OR4D9: variants seen among roughly 807,000 people sequenced by gnomAD.
OR4D9 encodes the protein olfactory receptor family 4 subfamily D member 9.
Under a neutral mutation model 0.8 loss-of-function variants are expected in OR4D9, and 2 were observed. The ratio of observed to expected loss-of-function variants is 2.58; its 90% CI spans 1.06 to 8.13. OR4D9 has a LOEUF of 8.13. OR4D9 is among the 30% of genes most tolerant of loss of function. The probability of loss-of-function intolerance (pLI) is 0.04; values close to 1 mark genes in which losing one functional copy is unlikely to be tolerated. For synonymous variants in OR4D9, 146 were observed against 151.2 expected (o/e 0.97, Z 0.25); for missense variants, 399 against 384.7 (o/e 1.04, Z -0.31).
chr11:59,512,927 G>A (rs961627088), intron 1 of OR4D9, among the ~76,000 whole-genome samples: 6 of 152,064 alleles, frequency 3.9e-5, no homozygotes, highest in Admixed American at 1.3e-4. Flanking sequence ...AAAAGTGAGT[G>A]GTCCATTAAA....
rs1384710107 is a variant in OR4D9 at position 59,520,466 on chromosome 11, G to T, written c.*4609G>T. The T allele has an allele frequency of 8.8e-6, 1 of 113,564 alleles. No individual in the cohort carries two copies. The allele number at this position is 113,564 out of a possible 1,614,324, so 7.0% of individuals were successfully genotyped here. A position where few individuals can be genotyped will look rare whatever the true frequency, so the allele number is the denominator to read the frequency against. ...CACACTCTAGGGACTGTTGTGGGGT[G>T]GGGGGAGGGGGGAGGGATAGCATTA... On this transcript the variant is annotated 3_prime_UTR_variant, in exon 3 of 3. Transcript: ENST00000641962.
chr11:59,515,897 T>G lies in OR4D9; in HGVS notation c.*40T>G. On this transcript the variant is annotated 3_prime_UTR_variant, in exon 3 of 3. Transcript: ENST00000641962. ...CCATATTTAAAGATAGACATTAAAT[T>G]TCACTTTCTCAAAATGGGAAAGGAG... 1 of 1,429,506 alleles carries G rather than the reference T, an allele frequency of 7.0e-7. No homozygotes were observed. Among genetic ancestry groups the G allele is most frequent in the Non-Finnish European group, 9.5e-7 (1 of 1,055,282 alleles). The allele number at this position is 1,429,506 out of a possible 1,614,324, so 88.6% of individuals were successfully genotyped here. A position where few individuals can be genotyped will look rare whatever the true frequency, so the allele number is the denominator to read the frequency against.
At chr11:59,514,651 G>A (rs950365037) in intron 1 of OR4D9, 22 bp from the exon 2 acceptor site, 17 of 361,914 alleles carry the variant, frequency 4.7e-5, no homozygotes, top group African/African-American at 2.7e-4. Context: ...ATAGATTCAC[G>A]GACTTGCAAC....
chr11:59,512,611 C>T (rs998894246), intron 1 of OR4D9, among the ~76,000 whole-genome samples: 4 of 151,090 alleles, frequency 2.6e-5, no homozygotes, highest in African/African-American at 9.7e-5. Context: ...TTCACTTGAG[C>T]CCAGGAGTTT....
Position 59,515,372 on chromosome 11 carries a change from G to T in OR4D9, c.460G>T (p.Val154Phe), listed in dbSNP as rs751449503. The change falls in exon 3 of 3, where the codon GTC (valine) becomes TTC (phenylalanine). Residue 154 changes from valine to phenylalanine, a missense_variant. Val to Phe is a conservative substitution (Grantham distance 50). Transcript: ENST00000641962. ...LIVASWVGGF[V>F]HSIAQISLLL... ...CGTGGCTTCCTGGGTGGGGGGCTTT[G>T]TCCACTCCATAGCGCAGATTTCTCT... 96 of 1,613,880 alleles carry T rather than the reference G, an allele frequency of 5.9e-5. 1 individual carries two copies. The South Asian group carries it at 1.0e-3, about 17-fold the overall frequency.
At position 59,514,723 on chromosome 11, in the gene OR4D9, G is replaced by C. The variant is rs529031484; in HGVS notation, c.-74G>C. On this transcript the variant is annotated 5_prime_UTR_variant, in exon 2 of 3. Transcript: ENST00000641962. ...CCTGGGATGACTGAATCAAAAACCT[G>C]GGTAATCTTTCATCCAGTGGTGGCA... 2.0e-6 allele frequency: 1 copy of C among 509,652 alleles called. No homozygotes were observed. Among genetic ancestry groups the C allele is most frequent in the South Asian group, 3.6e-5 (1 of 27,858 alleles). The allele number at this position is 509,652 out of a possible 1,614,324, so 31.6% of individuals were successfully genotyped here. A position where few individuals can be genotyped will look rare whatever the true frequency, so the allele number is the denominator to read the frequency against.
Position 59,519,169 on chromosome 11 carries a change from A to G in OR4D9, c.*3312A>G, listed in dbSNP as rs1294404802. 1.3e-5 allele frequency: 2 copies of G among 152,290 alleles called. No homozygotes were observed. Among genetic ancestry groups the G allele is most frequent in the East Asian group, 3.9e-4 (2 of 5,178 alleles). The allele number at this position is 152,290 out of a possible 1,614,324, so 9.4% of individuals were successfully genotyped here. The stretch of plus-strand genomic sequence containing the variant: ...GGAGTTTCAGAACAGCCTGGGCAAC[A>G]TGGCAAAACCCCATCTCTACAAAAA... On this transcript the variant is annotated 3_prime_UTR_variant, in exon 3 of 3. Transcript: ENST00000641962.
chr11:59,513,759 C>T (rs924490308), intron 1 of OR4D9, among the ~76,000 whole-genome samples: 1 of 151,610 alleles, frequency 6.6e-6, no homozygotes. Flanking sequence ...ATAGGGAGAC[C>T]CCAACTCTAT....
Position 59,516,171 on chromosome 11 carries a change from C to A in OR4D9, c.*314C>A, listed in dbSNP as rs1859402132. 2 of 224,478 alleles carry A rather than the reference C, an allele frequency of 8.9e-6. No individual in the cohort carries two copies. Among genetic ancestry groups the A allele is most frequent in the South Asian group, 9.1e-5 (1 of 11,018 alleles). 13.9% of individuals were successfully genotyped at this position (224,478 alleles called of 1,614,324 possible). On this transcript the variant is annotated 3_prime_UTR_variant, in exon 3 of 3. Coordinates refer to ENST00000641962, the MANE Select transcript of OR4D9 (RefSeq NM_001004711.2). ...TGTAGTCACCTTCCTGGAGGCATAA[C>A]CCAAAATACTTATTAAAAAATATAA...
rs997373752 is a variant in OR4D9, at chr11:59,520,165, T to G, written c.*4308T>G. ...CTTCTTTGGGCACTCTACCCTAATGTTCTATCTCATGGAACCCTGCCCTTC... is the reference window on the plus strand; with the variant it reads ...CTTCTTTGGGCACTCTACCCTAATGGTCTATCTCATGGAACCCTGCCCTTC... On this transcript the variant is annotated 3_prime_UTR_variant, in exon 3 of 3. Transcript: ENST00000641962. 2 of 151,988 alleles carry G rather than the reference T, an allele frequency of 1.3e-5. No individual in the cohort carries two copies. The highest frequency in any genetic ancestry group is 6.6e-5 in the Admixed American group (1 of 15,256). 9.4% of individuals were successfully genotyped at this position (151,988 alleles called of 1,614,324 possible). A position where few individuals can be genotyped will look rare whatever the true frequency, so the allele number is the denominator to read the frequency against.
rs550875425 is a variant in OR4D9 at position 59,520,526 on chromosome 11, G to A, written c.*4669G>A. ...CCTAATGCTAAATGACGAGTTAATG[G>A]GCACAGCACACCAGCATGGCACATG... On this transcript the variant is annotated 3_prime_UTR_variant, in exon 3 of 3. Coordinates refer to ENST00000641962, the MANE Select transcript of OR4D9 (RefSeq NM_001004711.2). The A allele has an allele frequency of 1.1e-4, 17 of 150,916 alleles. No individual in the cohort carries two copies. The highest frequency in any genetic ancestry group is 3.7e-4 in the African/African-American group (15 of 41,022). 9.3% of individuals were successfully genotyped at this position (150,916 alleles called of 1,614,324 possible).
rs939246418 is a variant in OR4D9 at position 59,516,013 on chromosome 11, T to A, written c.*156T>A. The A allele has an allele frequency of 1.6e-6, 1 of 613,566 alleles. No homozygotes were observed. The highest frequency in any genetic ancestry group is 2.8e-6 in the Non-Finnish European group (1 of 354,982). 38.0% of individuals were successfully genotyped at this position (613,566 alleles called of 1,614,324 possible). On this transcript the variant is annotated 3_prime_UTR_variant, in exon 3 of 3. Coordinates refer to ENST00000641962, the MANE Select transcript of OR4D9 (RefSeq NM_001004711.2). ...TCATATATGTTGGGGACCACGTGGA[T>A]GATACTGCTCTAAGACAAAATCCAC...
rs1859382452 is a variant in OR4D9, at chr11:59,515,067, A to ACC, written c.155_156insCC (p.Glu52AspfsTer32). ...CTCATCATGGTTACAGTTACCTGTG[A>ACC]ATCTCACCTTCATACGCCCATGTAC... On this transcript the variant is annotated frameshift_variant, in exon 3 of 3. Transcript: ENST00000641962. LOFTEE classifies it low-confidence loss of function (END_TRUNC). 1 of 1,613,998 alleles carries ACC rather than the reference A, an allele frequency of 6.2e-7. No homozygotes were observed. Among genetic ancestry groups the ACC allele is most frequent in the African/African-American group, 1.3e-5 (1 of 74,894 alleles).
intron 1 of OR4D9, among the ~76,000 whole-genome samples, chr11:59,514,230 C>G (rs1363903412): frequency 1.3e-5 from 2 of 152,236 alleles, no homozygotes; most frequent in Non-Finnish European, 2.9e-5. Flanking sequence ...TACACACCCA[C>G]TAGCAGTGTA....
chr11:59,512,431 T>A (rs1376593738), intron 1 of OR4D9, among the ~76,000 whole-genome samples: 9 of 144,386 alleles, frequency 6.2e-5, no homozygotes, highest in African/African-American at 2.3e-4. Context: ...GAGCCGAGAT[T>A]GTGCCACTGC....
At position 59,515,067 on chromosome 11, in the gene OR4D9, A is replaced by T; in HGVS notation, c.155A>T (p.Glu52Val). 6.2e-7 allele frequency: 1 copy of T among 1,614,116 alleles called. No homozygotes were observed. The highest frequency in any genetic ancestry group is 8.5e-7 in the Non-Finnish European group (1 of 1,180,026). Residue 52 changes from glutamate (E) to valine (V), a missense_variant, in exon 3 of 3, where the codon GAA (glutamate) becomes GTA (valine). By Grantham distance (121) the Glu-to-Val change is moderately radical. Transcript: ENST00000641962. ...NFLIMVTVTC[E>V]SHLHTPMYFL... Reference sequence around the variant, plus strand: ...CTCATCATGGTTACAGTTACCTGTGAATCTCACCTTCATACGCCCATGTAC... The same window carrying T: ...CTCATCATGGTTACAGTTACCTGTGTATCTCACCTTCATACGCCCATGTAC...
chr11:59,514,977 A>G lies in OR4D9; in HGVS notation c.65A>G (p.Glu22Gly), dbSNP rs778114224. Residue 22 changes from glutamate to glycine, a missense_variant, in exon 3 of 3, where the codon GAA becomes GGA. By Grantham distance (98) the Glu-to-Gly change is moderately conservative (BLOSUM62 -2). Coordinates refer to ENST00000641962, the MANE Select transcript of OR4D9 (RefSeq NM_001004711.2). ...FTFLGITQSR[E>G]LSQVLFTFLF... ...TTCCTGGGAATTACTCAGTCCCGAG[A>G]ACTGAGCCAGGTCTTATTTACCTTC... 6.2e-7 allele frequency: 1 copy of G among 1,614,022 alleles called. No homozygotes were observed.
rs148312811 is a variant in OR4D9, at chr11:59,515,648, G to T, written c.736G>T (p.Val246Leu). The change falls in exon 3 of 3, where the codon GTG becomes TTG. Residue 246 changes from valine to leucine, a missense_variant. Val to Leu is a conservative substitution (Grantham distance 32). Coordinates refer to ENST00000641962, the MANE Select transcript of OR4D9 (RefSeq NM_001004711.2). The part of the protein sequence containing the change: ...AISTCTSHIT[V>L]VTLHFVPCIY... Reference sequence around the variant, plus strand: ...CTCCACCTGCACCTCCCACATCACCGTGGTGACCCTGCATTTCGTGCCCTG... The same window carrying T: ...CTCCACCTGCACCTCCCACATCACCTTGGTGACCCTGCATTTCGTGCCCTG... 2 of 1,614,112 alleles carry T rather than the reference G, an allele frequency of 1.2e-6. No homozygotes were observed. The highest frequency in any genetic ancestry group is 2.2e-5 in the East Asian group (1 of 44,882).
At chr11:59,513,532 A>T (rs1859358761) in intron 1 of OR4D9, among the ~76,000 whole-genome samples, 1 of 152,214 alleles carries the variant, frequency 6.6e-6, no homozygotes, top group Admixed American at 6.5e-5. Context: ...TATTACGTAT[A>T]GTGTAAATCA....
Sources: allele counts gnomAD v4.1 joint callset (sites outside exome capture counted in the v4.1 genomes callset), GRCh38; gene constraint gnomAD v4.1.1; transcripts MANE v1.5; gene names NCBI Gene and HGNC (gene_info 2026-07-23, HGNC 2026-07-21).